The following PCDH9 variants were observed in gnomAD, a reference collection of about 807,000 sequenced individuals.
The protein encoded by PCDH9 is protocadherin 9.
In PCDH9, 24 loss-of-function variants were observed where a neutral mutation model predicts 70.6. The ratio of observed to expected loss-of-function variants is 0.34; its 90% CI spans 0.25 to 0.48. The LOEUF (loss-of-function observed/expected upper bound fraction) is 0.48, where lower values mean the gene tolerates loss of function less well. Ranked by LOEUF, PCDH9 falls within the 20% of genes least tolerant of loss-of-function variation. PCDH9 has a pLI of 0.99. For missense variants in PCDH9, 1,281 were observed against 1,503.6 expected (o/e 0.85, Z 2.45); for synonymous variants, 562 against 558.5 (o/e 1.01, Z -0.09).
intron 3 of PCDH9, among the ~76,000 whole-genome samples, chr13:66,852,379 A>G (rs906624138): frequency 3.9e-5 from 6 of 152,152 alleles, no homozygotes; most frequent in Admixed American, 2.6e-4. Flanking sequence ...ATTGTTAATC[A>G]TCCTTCTCTG....
chr13:66,724,406 T>C (rs997661200), intron 3 of PCDH9, among the ~76,000 whole-genome samples: 2 of 152,240 alleles, frequency 1.3e-5, no homozygotes, highest in African/African-American at 4.8e-5. Flanking sequence ...AAAATAATTC[T>C]ATACACATTG....
chr13:66,647,393 G>C (rs913027333), intron 3 of PCDH9, among the ~76,000 whole-genome samples: 3 of 152,064 alleles, frequency 2.0e-5, no homozygotes, highest in African/African-American at 2.4e-5. Context: ...AGAGTCTTGA[G>C]GCCCCCAATC....
chr13:66,856,998 C>A (rs899619292), intron 3 of PCDH9, among the ~76,000 whole-genome samples: 1 of 152,080 alleles, frequency 6.6e-6, no homozygotes, highest in African/African-American at 2.4e-5. Flanking sequence ...TATAAGGAAT[C>A]TGTCAGTCTC....
At chr13:67,154,816 G>T (rs1212334367) in intron 2 of PCDH9, among the ~76,000 whole-genome samples, 9 of 149,216 alleles carry the variant, frequency 6.0e-5, no homozygotes, top group Non-Finnish European at 1.0e-4. Context: ...TGATTCTCCT[G>T]CCTCAGCCTC....
At chr13:66,877,056 A>T (rs2100169626) in intron 3 of PCDH9, 2 of 143,648 alleles carry the variant, frequency 1.4e-5, no homozygotes, top group Admixed American at 1.4e-4. Context: ...TTGAAAAAAA[A>T]TGCATTAACT....
intron 2 of PCDH9, among the ~76,000 whole-genome samples, chr13:66,942,476 CAAAT>C (rs2083021841): frequency 6.6e-6 from 1 of 151,618 alleles, no homozygotes; most frequent in Non-Finnish European, 1.5e-5. Flanking sequence ...GTTCCAATAA[CAAAT>C]AAGTGACATT....
chr13:66,635,403 T>C (rs2077624630), intron 3 of PCDH9, among the ~76,000 whole-genome samples: 1 of 152,162 alleles, frequency 6.6e-6, no homozygotes, highest in African/African-American at 2.4e-5. Context: ...CTGTCAGGAC[T>C]GCCACTATGA....
chr13:66,326,674 C>T (rs1955853660), intron 4 of PCDH9, among the ~76,000 whole-genome samples: 1 of 152,090 alleles, frequency 6.6e-6, no homozygotes, highest in South Asian at 2.1e-4. Flanking sequence ...CTGCCTCAGC[C>T]CTCACACCTG....
At chr13:66,855,015 A>T (rs2139464105) in intron 3 of PCDH9, among the ~76,000 whole-genome samples, 1 of 152,242 alleles carries the variant, frequency 6.6e-6, no homozygotes, top group South Asian at 2.1e-4. Flanking sequence ...ATATAACAAG[A>T]CCTGAATGCA....
chr13:66,674,834 T>C (rs1343939268), intron 3 of PCDH9, among the ~76,000 whole-genome samples: 1 of 152,114 alleles, frequency 6.6e-6, no homozygotes, highest in Non-Finnish European at 1.5e-5. Flanking sequence ...GGTTTCCTAT[T>C]ATGTATATAT....
intron 4 of PCDH9, among the ~76,000 whole-genome samples, chr13:66,445,153 T>C (rs1441749468): frequency 1.4e-5 from 2 of 147,086 alleles, no homozygotes; most frequent in Non-Finnish European, 3.0e-5. Flanking sequence ...CATATATTAT[T>C]TTACTATATT....
At chr13:67,184,816 C>T (rs536878687) in intron 2 of PCDH9, among the ~76,000 whole-genome samples, 1 of 152,240 alleles carries the variant, frequency 6.6e-6, no homozygotes, top group East Asian at 1.9e-4. Flanking sequence ...ACCAAAAATT[C>T]TATAAATAGT....
At position 66,659,553 on chromosome 13, in the gene PCDH9, T is replaced by TGTGTGTGTGTGTGTGTGTGTGTGTGTGTG. The variant is rs59132032; in HGVS notation, c.3139-28143_3139-28142insCACACACACACACACACACACACACACAC. Among the ~76,000 whole-genome samples, 1,185 of 148,830 alleles carry TGTGTGTGTGTGTGTGTGTGTGTGTGTGTG rather than the reference T, an allele frequency of 8.0e-3. 11 individuals carry two copies. The highest frequency in any genetic ancestry group is 0.011 in the Non-Finnish European group (717 of 67,466). Reference sequence around the variant, plus strand: ...TTAAGTTATGTTTGTGTGTGTGTGTTTGTGTGTGTTTGGTAGAACAAGCAA... The same window carrying TGTGTGTGTGTGTGTGTGTGTGTGTGTGTG: ...TTAAGTTATGTTTGTGTGTGTGTGTTGTGTGTGTGTGTGTGTGTGTGTGTGTGTGTGTGTGTGTTTGGTAGAACAAGCAA... On this transcript the variant is annotated intron_variant, in intron 3 of 4. Transcript: ENST00000377865.
At chr13:66,563,299 G>T (rs371477129) in intron 4 of PCDH9, among the ~76,000 whole-genome samples, 16 of 152,120 alleles carry the variant, frequency 1.1e-4, no homozygotes, top group Middle Eastern at 3.4e-3. Flanking sequence ...GTCCTTTTCC[G>T]TTTGCTCCCA....
chr13:66,991,307 G>A (rs2083998031), intron 2 of PCDH9, among the ~76,000 whole-genome samples: 1 of 151,852 alleles, frequency 6.6e-6, no homozygotes. Context: ...CATTGCAGTG[G>A]ACAAGAGCAA....
At position 67,096,772 on chromosome 13, in the gene PCDH9, TGGG is replaced by T. The variant is rs542861990; in HGVS notation, c.3036+128630_3036+128632del. Among the ~76,000 whole-genome samples, 6 of 152,194 alleles carry T rather than the reference TGGG, an allele frequency of 3.9e-5. 1 individual carries two copies. In the South Asian group the frequency reaches 1.2e-3, roughly 32 times the overall value. ...GTAAAACTCTGGTGGAGGATGGTGA[TGGG>T]GGGAAACTGCATGTGTGAGGGCGAG... is the stretch of plus-strand genomic sequence containing the variant. On this transcript the variant is annotated intron_variant, in intron 2 of 4. Transcript: ENST00000377865.
At chr13:66,562,823 G>T (rs1428172872) in intron 4 of PCDH9, among the ~76,000 whole-genome samples, 1 of 152,066 alleles carries the variant, frequency 6.6e-6, no homozygotes, top group African/African-American at 2.4e-5. Context: ...GACTCATAGA[G>T]CCATTTCATA....
At chr13:66,643,158 GT>G (rs2077729789) in intron 3 of PCDH9, among the ~76,000 whole-genome samples, 1 of 151,952 alleles carries the variant, frequency 6.6e-6, no homozygotes, top group African/African-American at 2.4e-5. Context: ...ACATTAATCA[GT>G]AGATGGAAAA....
At chr13:67,107,936 T>C (rs1157768155) in intron 2 of PCDH9, among the ~76,000 whole-genome samples, 1 of 152,206 alleles carries the variant, frequency 6.6e-6, no homozygotes, top group Non-Finnish European at 1.5e-5. Flanking sequence ...GCATTCCCTT[T>C]GTCTAGATGT....
Sources: allele counts gnomAD v4.1 joint callset (sites outside exome capture counted in the v4.1 genomes callset), GRCh38; gene constraint gnomAD v4.1.1; transcripts MANE v1.5; gene names NCBI Gene and HGNC (gene_info 2026-07-23, HGNC 2026-07-21).